VIRMA: variants seen among roughly 807,000 people sequenced by gnomAD.
VIRMA encodes the protein protein virilizer homolog.
VIRMA carries 65 observed loss-of-function variants against 182.4 expected under a neutral mutation model. The observed-to-expected ratio is 0.36, with a 90% CI of 0.29 to 0.44. The LOEUF (loss-of-function observed/expected upper bound fraction) is 0.44. Ranked by LOEUF, VIRMA falls within the 20% of genes least tolerant of loss-of-function variation. The probability of loss-of-function intolerance (pLI) is 1.00; values close to 1 mark genes in which losing one functional copy is unlikely to be tolerated. For missense variants in VIRMA, 1,752 were observed against 2,158.1 expected (o/e 0.81, Z 3.73); for synonymous variants, 709 against 743.1 (o/e 0.95, Z 0.75).
intron 5 of VIRMA, among the ~76,000 whole-genome samples, chr8:94,532,652 A>G (rs1815209313): frequency 6.6e-6 from 1 of 152,174 alleles, no homozygotes; most frequent in Non-Finnish European, 1.5e-5. Flanking sequence ...CCTCCTGTCA[A>G]TCTATAATTA....
At chr8:94,511,145 T>C in intron 13 of VIRMA, 40 bp downstream of exon 13, 5 of 1,590,828 alleles carry the variant, frequency 3.1e-6, no homozygotes, top group African/African-American at 1.4e-5. Context: ...AAAGTGTTAC[T>C]GCAGTCATTT....
Position 94,537,158 on chromosome 8 carries a change from A to G in VIRMA, c.267-7T>C. On this transcript the variant is annotated splice_polypyrimidine_tract_variant and splice_region_variant and intron_variant, in intron 3 of 23. Coordinates refer to ENST00000297591, the MANE Select transcript of VIRMA (RefSeq NM_015496.5). The stretch of plus-strand genomic sequence containing the variant: ...ATTCTCATCATATTCCAGGCTGTCA[A>G]GAGAGTAGAAATAAATATGTAAGCT... 2.5e-6 allele frequency: 4 copies of G among 1,573,802 alleles called. No individual in the cohort carries two copies. Among genetic ancestry groups the G allele is most frequent in the Non-Finnish European group, 3.5e-6 (4 of 1,143,610 alleles).
chr8:94,511,208 G>C lies in VIRMA; in HGVS notation c.3367C>G (p.Pro1123Ala), dbSNP rs765473696. 1.2e-6 allele frequency: 2 copies of C among 1,613,928 alleles called. No homozygotes were observed. Among genetic ancestry groups the C allele is most frequent in the East Asian group, 4.5e-5 (2 of 44,874 alleles). ...ACCTGAGTTGTTTGCATGGGCAATG[G>C]AAGAGGCAGCAGCTCTGAAAGGAGT... ...LILLSELLPLPLPMQTTQVIE... is the reference protein window; with the variant it reads ...LILLSELLPLALPMQTTQVIE... The change falls in exon 13 of 24, where the codon CCA (proline) becomes GCA (alanine). Residue 1123 changes from proline to alanine, a missense_variant. Coordinates refer to ENST00000297591, the MANE Select transcript of VIRMA (RefSeq NM_015496.5).
intron 20 of VIRMA, among the ~76,000 whole-genome samples, chr8:94,494,290 T>C (rs1407569645): frequency 6.6e-6 from 1 of 151,230 alleles, no homozygotes; most frequent in Non-Finnish European, 1.5e-5. Flanking sequence ...TTATCTATAT[T>C]AAAAAAAAAT....
rs1288766088 is a variant in VIRMA at position 94,526,501 on chromosome 8, A to T, written c.1743T>A (p.Pro581=). The part of the protein sequence containing the change: ...DHLAEKTSSL[P]NHSEPDHDTD... ...TGTCGTGATCAGGTTCACTGTGGTTAGGAAGAGATGAAGTCTTCTCTGCTA... is the reference window on the plus strand; with the variant it reads ...TGTCGTGATCAGGTTCACTGTGGTTTGGAAGAGATGAAGTCTTCTCTGCTA... The change falls in exon 8 of 24, where the codon CCT becomes CCA. Residue 581 remains proline, a synonymous_variant. Transcript: ENST00000297591. 4 of 1,613,318 alleles carry T rather than the reference A, an allele frequency of 2.5e-6. No individual in the cohort carries two copies. Among genetic ancestry groups the T allele is most frequent in the African/African-American group, 1.3e-5 (1 of 74,804 alleles).
Position 94,526,897 on chromosome 8 carries a change from G to A in VIRMA, c.1347C>T (p.Ile449=), listed in dbSNP as rs1269555409. 13 of 1,614,102 alleles carry A rather than the reference G, an allele frequency of 8.1e-6. No individual in the cohort carries two copies. The highest frequency in any genetic ancestry group is 6.7e-5 in the East Asian group (3 of 44,900). ...LNLQVALRQP[I]ALNVRQLKAG... is the part of the protein sequence containing the mutation. The stretch of plus-strand genomic sequence containing the variant: ...CTTTGAGCTGTCGAACATTTAAGGC[G>A]ATAGGTTGGCGAAGCGCTACTTGTA... Residue 449 remains isoleucine (I), a synonymous_variant, in exon 8 of 24, where the codon ATC becomes ATT. Coordinates refer to ENST00000297591, the MANE Select transcript of VIRMA (RefSeq NM_015496.5).
Position 94,487,727 on chromosome 8 carries a change from T to C in VIRMA, c.*979A>G, listed in dbSNP as rs982153613. On this transcript the variant is annotated 3_prime_UTR_variant, in exon 24 of 24. Transcript: ENST00000297591. ...ATAACTCTGTATTTTACGCCACTTA[T>C]ATAGACTCAGTGTGTTAAGACGTAT... The C allele has an allele frequency of 1.3e-4, 20 of 152,226 alleles. No individual in the cohort carries two copies. Among genetic ancestry groups the C allele is most frequent in the African/African-American group, 4.1e-4 (17 of 41,460 alleles). 9.4% of individuals were successfully genotyped at this position (152,226 alleles called of 1,614,324 possible).
intron 8 of VIRMA, among the ~76,000 whole-genome samples, chr8:94,523,886 G>A (rs1013582347): frequency 2.0e-5 from 3 of 152,046 alleles, no homozygotes; most frequent in Non-Finnish European, 2.9e-5. Flanking sequence ...CCAACCTCCC[G>A]GGTTCAAAGG....
rs539758657 is a variant in VIRMA, at chr8:94,493,958, CATACT to C, written c.4641+897_4641+901del. Among the ~76,000 whole-genome samples, 115 of 152,332 alleles carry C rather than the reference CATACT, an allele frequency of 7.5e-4. 2 individuals carry two copies. In the South Asian group the frequency reaches 0.02, roughly 27 times the overall value. ...ATGTTTAAGAATGTCAATTCCCATT[CATACT>C]ATACTATAACAAATACATTCTTCAC... On this transcript the variant is annotated intron_variant, in intron 20 of 23. Coordinates refer to ENST00000297591, the MANE Select transcript of VIRMA (RefSeq NM_015496.5).
chr8:94,519,643 G>A (rs1814692153), intron 8 of VIRMA, among the ~76,000 whole-genome samples, 167 bp from the exon 9 acceptor site: 2 of 152,150 alleles, frequency 1.3e-5, no homozygotes, highest in Admixed American at 6.5e-5. Context: ...TTCTCTAGAT[G>A]AGGCCAAATA....
chr8:94,553,261 GT>G, intron 1 of VIRMA, 123 bp downstream of exon 1: 1 of 934,540 alleles, frequency 1.1e-6, no homozygotes, highest in East Asian at 2.4e-5. Flanking sequence ...GGGGGAGGGT[GT>G]CTGTGTGTAA....
chr8:94,524,226 C>T (rs920949984), intron 8 of VIRMA, among the ~76,000 whole-genome samples: 3 of 151,212 alleles, frequency 2.0e-5, no homozygotes, highest in Non-Finnish European at 3.0e-5. Flanking sequence ...CTTGAACTCT[C>T]GACCTCAGGT....
rs1463294805 is a variant in VIRMA at position 94,510,389 on chromosome 8, A to G, written c.3626+28T>C. 9 of 1,576,362 alleles carry G rather than the reference A, an allele frequency of 5.7e-6. No homozygotes were observed. In the South Asian group the frequency reaches 8.0e-5, roughly 14 times the overall value. On this transcript the variant is annotated intron_variant, in intron 14 of 23. Coordinates refer to ENST00000297591, the MANE Select transcript of VIRMA (RefSeq NM_015496.5). ...ATATGTGTCAAAAATAATTTGAGGA[A>G]AAAATTTTTAATGCAAAATGAAAAT... is the stretch of plus-strand genomic sequence containing the variant.
chr8:94,540,799 G>A (rs1459904298), intron 2 of VIRMA, among the ~76,000 whole-genome samples: 1 of 151,886 alleles, frequency 6.6e-6, no homozygotes, highest in Admixed American at 6.6e-5. Context: ...TTGGACTTCA[G>A]TATCTCAAGA....
chr8:94,523,972 G>C lies in VIRMA; in HGVS notation c.2021+2251C>G, dbSNP rs1814864194. Among the ~76,000 whole-genome samples the C allele has an allele frequency of 2.1e-5, 3 of 143,330 alleles. No individual in the cohort carries two copies. The South Asian group carries it at 7.5e-4, about 36-fold the overall frequency. The allele number at this position is 143,330 out of a possible 152,430, so 94.0% of individuals were successfully genotyped here. A position where few individuals can be genotyped will look rare whatever the true frequency, so the allele number is the denominator to read the frequency against. On this transcript the variant is annotated intron_variant, in intron 8 of 23. Coordinates refer to ENST00000297591, the MANE Select transcript of VIRMA (RefSeq NM_015496.5). ...CAAAGCCCGGCTAGTTTTTGTGTGT[G>C]TCTGTGTGTGTGTGTGTTTTTGTTA...
chr8:94,511,273 G>A lies in VIRMA; in HGVS notation c.3302C>T (p.Ser1101Leu). Residue 1101 changes from serine (S) to leucine (L), a missense_variant, in exon 13 of 24, where the codon TCA becomes TTA. By Grantham distance (145) the Ser-to-Leu change is moderately radical. Transcript: ENST00000297591. ...AAATCCTTCAGGAACCTTCAAGATTGAAGAAAGAACTTCTTTTAACATTAA... is the reference window on the plus strand; with the variant it reads ...AAATCCTTCAGGAACCTTCAAGATTAAAGAAAGAACTTCTTTTAACATTAA... Reference protein sequence around the residue: ...WSLMLKEVLSSILKVPEGFFS... With the variant: ...WSLMLKEVLSLILKVPEGFFS... 1 of 1,614,032 alleles carries A rather than the reference G, an allele frequency of 6.2e-7. No individual in the cohort carries two copies. Among genetic ancestry groups the A allele is most frequent in the Non-Finnish European group, 8.5e-7 (1 of 1,179,974 alleles).
At position 94,510,625 on chromosome 8, in the gene VIRMA, C is replaced by T. The variant is rs757081287; in HGVS notation, c.3418G>A (p.Ala1140Thr). The change falls in exon 14 of 24, where the codon GCA becomes ACA. Residue 1140 changes from alanine to threonine, a missense_variant. Coordinates refer to ENST00000297591, the MANE Select transcript of VIRMA (RefSeq NM_015496.5). ...QVIEPHDISV[A>T]LNTRKLWSMH... is the part of the protein sequence containing the mutation. ...CTCCACAATTTTCGGGTGTTGAGTG[C>T]CACTGATATATCATGTGGCTCAATA... The T allele has an allele frequency of 6.2e-7, 1 of 1,613,680 alleles. No homozygotes were observed.
chr8:94,521,573 A>T (rs3133645), intron 8 of VIRMA, among the ~76,000 whole-genome samples: 92,615 of 151,974 alleles, frequency 0.61, 28,537 homozygotes, highest in East Asian at 0.81. Context: ...ATTTTCTGAA[A>T]GTTAAAAAGA....
intron 2 of VIRMA, among the ~76,000 whole-genome samples, chr8:94,539,267 A>G (rs572620501): frequency 1.3e-4 from 20 of 152,286 alleles, no homozygotes; most frequent in African/African-American, 4.1e-4. Flanking sequence ...CTTAATCCAC[A>G]TTAATACAAG....
Sources: allele counts gnomAD v4.1 joint callset (sites outside exome capture counted in the v4.1 genomes callset), GRCh38; gene constraint gnomAD v4.1.1; transcripts MANE v1.5; gene names NCBI Gene and HGNC (gene_info 2026-07-23, HGNC 2026-07-21).